ZNF69: variants seen among roughly 807,000 people sequenced by gnomAD.
The protein encoded by ZNF69 is ZNF3.
ZNF69 carries 47 observed loss-of-function variants against 50.9 expected under a neutral mutation model. The ratio of observed to expected loss-of-function variants is 0.92; its 90% CI spans 0.73 to 1.18. The LOEUF (loss-of-function observed/expected upper bound fraction) is 1.18, where lower values mean the gene tolerates loss of function less well. Among genes scored for constraint, ZNF69 ranks in the 50% most tolerant of loss-of-function variants. The probability of loss-of-function intolerance (pLI) is 0.00; values close to 1 mark genes in which losing one functional copy is unlikely to be tolerated. For synonymous variants in ZNF69, 216 were observed against 223.1 expected (o/e 0.97, Z 0.29); for missense variants, 717 against 675.1 (o/e 1.06, Z -0.69).
At chr19:11,934,058 C>G in the ZNF69 span, among the ~76,000 whole-genome samples, 1 of 147,640 alleles carries the variant, frequency 6.8e-6, no homozygotes, top group African/African-American at 2.7e-5. Flanking sequence ...AAAGGCTCAT[C>G]TTGAGCCTGG....
At chr19:11,967,142 C>G in the ZNF69 span, among the ~76,000 whole-genome samples, 1 of 152,160 alleles carries the variant, frequency 6.6e-6, no homozygotes, top group African/African-American at 2.4e-5. Flanking sequence ...CGAGACCACC[C>G]TGGGCAACAT....
the ZNF69 span, among the ~76,000 whole-genome samples, chr19:11,930,562 T>C: frequency 6.7e-6 from 1 of 148,658 alleles, no homozygotes; most frequent in East Asian, 1.9e-4. Flanking sequence ...CTAGAATTAA[T>C]TAAATTATTG....
chr19:11,965,181 G>C, the ZNF69 span: 1 of 1,614,010 alleles, frequency 6.2e-7, no homozygotes, highest in Non-Finnish European at 8.5e-7. Context: ...GCTGTAGAGA[G>C]GACCCCAGGA....
At chr19:11,948,235 T>C in the ZNF69 span, 2 of 1,590,906 alleles carry the variant, frequency 1.3e-6, no homozygotes, top group East Asian at 2.2e-5. Context: ...TAGAAGTACT[T>C]GTAAACAAAC....
chr19:11,973,515 A>G, the ZNF69 span, among the ~76,000 whole-genome samples: 4 of 151,928 alleles, frequency 2.6e-5, no homozygotes, highest in Non-Finnish European at 4.4e-5. Flanking sequence ...ACGTTCGGCC[A>G]CTCATTTTCT....
At chr19:11,928,846 A>C in the ZNF69 span, among the ~76,000 whole-genome samples, 2 of 147,634 alleles carry the variant, frequency 1.4e-5, no homozygotes, top group Admixed American at 1.3e-4. Flanking sequence ...GTGGGAAGCC[A>C]AGGCAGGTGG....
At chr19:11,979,097 A>C in the ZNF69 span, 1 of 1,613,990 alleles carries the variant, frequency 6.2e-7, no homozygotes, top group Non-Finnish European at 8.5e-7. Context: ...CGCTCTGGAG[A>C]AAGACCTTAT....
chr19:11,960,425 C>A, the ZNF69 span, among the ~76,000 whole-genome samples: 1 of 152,152 alleles, frequency 6.6e-6, no homozygotes, highest in Non-Finnish European at 1.5e-5. Context: ...TAGGCTTGAG[C>A]AATCCTCTCA....
At chr19:11,961,932 C>CAT in the ZNF69 span, among the ~76,000 whole-genome samples, 12 of 149,858 alleles carry the variant, frequency 8.0e-5, 1 homozygote, top group Non-Finnish European at 4.4e-5. Context: ...TACACACACA[C>CAT]ACACACACAC....
At chr19:11,897,110 G>A (rs536231001) in intron 1 of ZNF69, among the ~76,000 whole-genome samples, 2 of 152,314 alleles carry the variant, frequency 1.3e-5, no homozygotes, top group Admixed American at 6.5e-5. Context: ...ATATTTGGGA[G>A]GCTGAGGTGG....
At chr19:11,902,696 C>T (rs62113968) in intron 1 of ZNF69, among the ~76,000 whole-genome samples, 4,601 of 151,152 alleles carry the variant, frequency 0.03, 115 homozygotes, top group Non-Finnish European at 0.048. Context: ...GGCTCCCCCT[C>T]CTGCTCTTTG....
In ZNF69 at chr19:11,906,545, G is replaced by A. The variant is rs1034172665; in HGVS notation, c.*447G>A. 1.3e-5 allele frequency among the ~76,000 whole-genome samples: 2 copies of A among 152,310 alleles called. No individual in the cohort carries two copies. Among genetic ancestry groups the A allele is most frequent in the African/African-American group, 4.8e-5 (2 of 41,584 alleles). ...ATTTGCTGTTCTGCAGCCCCTGCTGGTGATACCCAGGCAAACAGGGTCTGG... is the reference window on the plus strand; with the variant it reads ...ATTTGCTGTTCTGCAGCCCCTGCTGATGATACCCAGGCAAACAGGGTCTGG... On this transcript the variant is annotated 3_prime_UTR_variant, in exon 4 of 4. Transcript: ENST00000429654.
the ZNF69 span, among the ~76,000 whole-genome samples, chr19:11,957,889 A>C: frequency 3.9e-5 from 6 of 152,196 alleles, no homozygotes; most frequent in African/African-American, 1.4e-4. Flanking sequence ...GAGAAACTGA[A>C]GCATGCTTTG....
the ZNF69 span, chr19:11,949,120 A>T: frequency 6.2e-7 from 1 of 1,612,350 alleles, no homozygotes; most frequent in Middle Eastern, 1.7e-4. Context: ...TAAATGTAAG[A>T]TATGTGGGAA....
At chr19:11,918,760 G>A (rs1055035095), downstream of ZNF69, among the ~76,000 whole-genome samples, 2 of 151,552 alleles carry the variant, frequency 1.3e-5, no homozygotes, top group African/African-American at 2.4e-5. Flanking sequence ...CAGCAATTAG[G>A]GTTTTTTTTT....
the ZNF69 span, among the ~76,000 whole-genome samples, chr19:11,975,184 C>T: frequency 6.6e-6 from 1 of 151,844 alleles, no homozygotes; most frequent in African/African-American, 2.4e-5. Flanking sequence ...CCACAACCTC[C>T]GCCTCCCGGG....
the ZNF69 span, among the ~76,000 whole-genome samples, chr19:11,957,826 C>T: frequency 6.6e-6 from 1 of 151,866 alleles, no homozygotes; most frequent in Non-Finnish European, 1.5e-5. Flanking sequence ...GCCTGGGCTA[C>T]AGAACAAGAC....
the ZNF69 span, among the ~76,000 whole-genome samples, chr19:11,973,992 T>A: frequency 6.6e-6 from 1 of 152,138 alleles, no homozygotes; most frequent in African/African-American, 2.4e-5. Flanking sequence ...GAAGTGTCAG[T>A]GTTTGGGATT....
chr19:11,976,787 A>T, the ZNF69 span: 8 of 1,057,308 alleles, frequency 7.6e-6, no homozygotes, highest in Middle Eastern at 6.9e-4. Flanking sequence ...AATCGCTTGA[A>T]CCCCGGTCAT....
Sources: allele counts gnomAD v4.1 joint callset (sites outside exome capture counted in the v4.1 genomes callset), GRCh38; gene constraint gnomAD v4.1.1; transcripts MANE v1.5; gene names NCBI Gene and HGNC (gene_info 2026-07-23, HGNC 2026-07-21).